The following DNAJC6 variants were observed in gnomAD, a reference collection of about 807,000 sequenced individuals.
DNAJC6 encodes auxilin.
In DNAJC6, 34 loss-of-function variants were observed where a neutral mutation model predicts 110.0. The observed-to-expected ratio is 0.31, with a 90% confidence interval of 0.24 to 0.41. The LOEUF is 0.41. DNAJC6 is among the 10% of genes least tolerant of loss of function. DNAJC6 has a pLI of 1.00. For synonymous variants in DNAJC6, 406 were observed against 437.2 expected (o/e 0.93, Z 0.89); for missense variants, 1,031 against 1,207.8 (o/e 0.85, Z 2.17).
intron 1 of DNAJC6, among the ~76,000 whole-genome samples, chr1:65,270,682 A>G (rs1285892953): frequency 6.6e-6 from 1 of 151,656 alleles, no homozygotes; most frequent in South Asian, 2.1e-4. Context: ...TTTTTGTTTT[A>G]CTATTATTAT....
chr1:65,340,829 T>C (rs1645382366), intron 1 of DNAJC6, among the ~76,000 whole-genome samples: 1 of 152,192 alleles, frequency 6.6e-6, no homozygotes, highest in South Asian at 2.1e-4. Context: ...TATTACACTT[T>C]CTATTTATCA....
At chr1:65,392,356 A>T in intron 11 of DNAJC6, 75 bp from the exon 12 acceptor site, 2 of 1,336,306 alleles carry the variant, frequency 1.5e-6, no homozygotes, top group Non-Finnish European at 2.0e-6. Context: ...CTGGAATTAT[A>T]TACATATATT....
intron 11 of DNAJC6, among the ~76,000 whole-genome samples, chr1:65,391,177 T>C (rs1225177001): frequency 1.3e-5 from 2 of 152,174 alleles, no homozygotes; most frequent in East Asian, 3.8e-4. Context: ...GTAGAACATA[T>C]AAACAATAGC....
rs1048262722 is a variant in DNAJC6, at chr1:65,414,889, G to A, written c.*1864G>A. ...ATGATAACAATTAAAAGGATATTCT[G>A]TGGATGTCACGTATTTTGAAATGAT... On this transcript the variant is annotated 3_prime_UTR_variant, in exon 19 of 19. Transcript: ENST00000371069. 6.6e-6 allele frequency: 1 copy of A among 152,592 alleles called. No individual in the cohort carries two copies. Among genetic ancestry groups the A allele is most frequent in the Admixed American group, 6.5e-5 (1 of 15,282 alleles). The allele number at this position is 152,592 out of a possible 1,614,324, so 9.5% of individuals were successfully genotyped here.
intron 17 of DNAJC6, among the ~76,000 whole-genome samples, chr1:65,409,994 G>A (rs746584429): frequency 7.2e-5 from 11 of 152,098 alleles, no homozygotes; most frequent in Admixed American, 3.3e-4. Context: ...AGGCGGATGC[G>A]GATTAGCTGG....
At chr1:65,342,829 T>A (rs1645401920) in intron 1 of DNAJC6, among the ~76,000 whole-genome samples, 1 of 152,176 alleles carries the variant, frequency 6.6e-6, no homozygotes, top group Non-Finnish European at 1.5e-5. Flanking sequence ...TCTTGATGGA[T>A]TCAATTCAGT....
intron 1 of DNAJC6, among the ~76,000 whole-genome samples, chr1:65,322,477 A>G (rs897048985): frequency 6.6e-6 from 1 of 152,198 alleles, no homozygotes. Flanking sequence ...ATAACTTTCT[A>G]TATTAGTACC....
chr1:65,377,419 C>G (rs901398096), intron 4 of DNAJC6, among the ~76,000 whole-genome samples: 2 of 152,138 alleles, frequency 1.3e-5, no homozygotes, highest in Non-Finnish European at 2.9e-5. Context: ...AAAGACTAGA[C>G]CAGAAACAGT....
At chr1:65,292,462 G>C (rs1429590212) in intron 1 of DNAJC6, among the ~76,000 whole-genome samples, 1 of 151,654 alleles carries the variant, frequency 6.6e-6, no homozygotes, top group Non-Finnish European at 1.5e-5. Context: ...ACAGGGTCTT[G>C]GTGTATTGCC....
intron 14 of DNAJC6, among the ~76,000 whole-genome samples, chr1:65,400,025 C>A (rs559882625): frequency 3.9e-4 from 59 of 152,130 alleles, no homozygotes; most frequent in Non-Finnish European, 6.5e-4. Flanking sequence ...TACAAAAATA[C>A]AAAAGTTAGC....
At chr1:65,376,755 ATTTATTTATTTAT>A (rs2101583312) in intron 4 of DNAJC6, among the ~76,000 whole-genome samples, 1 of 150,804 alleles carries the variant, frequency 6.6e-6, no homozygotes, top group South Asian at 2.1e-4. Flanking sequence ...TTTCTATTTT[ATTTATTTATTTAT>A]TTTATTTATT....
intron 1 of DNAJC6, among the ~76,000 whole-genome samples, chr1:65,311,336 T>A (rs946497933): frequency 6.8e-6 from 1 of 147,004 alleles, no homozygotes; most frequent in Non-Finnish European, 1.5e-5. Flanking sequence ...GCGATTCTCC[T>A]GCCTCAGCCT....
At chr1:65,385,509 T>C (rs1231970569) in intron 6 of DNAJC6, among the ~76,000 whole-genome samples, 2 of 152,262 alleles carry the variant, frequency 1.3e-5, no homozygotes, top group South Asian at 2.1e-4. Flanking sequence ...TATCAGTTCA[T>C]TGGGGAAGTA....
chr1:65,300,264 G>C (rs1363946455), intron 1 of DNAJC6, among the ~76,000 whole-genome samples: 1 of 152,028 alleles, frequency 6.6e-6, no homozygotes, highest in African/African-American at 2.4e-5. Context: ...CTATTTTACT[G>C]TTTCATTGTG....
intron 1 of DNAJC6, among the ~76,000 whole-genome samples, chr1:65,323,215 A>G (rs1207569762): frequency 1.3e-5 from 2 of 152,152 alleles, no homozygotes; most frequent in South Asian, 2.1e-4. Context: ...GCCTTTTAAT[A>G]TGATTTGGCT....
chr1:65,373,726 G>T (rs1201823170), intron 4 of DNAJC6, among the ~76,000 whole-genome samples: 2 of 151,702 alleles, frequency 1.3e-5, no homozygotes, highest in Admixed American at 1.3e-4. Flanking sequence ...CTGCCATTCA[G>T]TGGGTTGTCT....
At chr1:65,286,096 T>C (rs903791420) in intron 1 of DNAJC6, among the ~76,000 whole-genome samples, 13 of 152,314 alleles carry the variant, frequency 8.5e-5, no homozygotes, top group African/African-American at 3.1e-4. Flanking sequence ...CCCCAGCAAC[T>C]TGGAAGGTCA....
rs1463563885 is a variant in DNAJC6, at chr1:65,264,961, A to G, written c.-131+29A>G. The G allele has an allele frequency of 1.9e-6, 3 of 1,607,754 alleles. No individual in the cohort carries two copies. The East Asian group carries it at 6.7e-5, about 36-fold the overall frequency. On this transcript the variant is annotated intron_variant, in intron 1 of 19. Transcript: ENST00000263441. ...AGGGGCGGACTGCAGAAAGATGGCT[A>G]AGAGAGGGCTAAAGGCTAAAAGATG... is the stretch of plus-strand genomic sequence containing the variant.
At position 65,397,843 on chromosome 1, in the gene DNAJC6, TG is replaced by T. The variant is rs1456318431; in HGVS notation, c.2039-968del. On this transcript the variant is annotated intron_variant, in intron 13 of 18. Coordinates refer to ENST00000371069, the MANE Select transcript of DNAJC6 (RefSeq NM_001256864.2). ...AATGATGGGAAGGTACTAGATGACT[TG>T]GTTGGTACTAAGTAAACAAAACAAG... Among the ~76,000 whole-genome samples the T allele has an allele frequency of 2.0e-5, 3 of 152,304 alleles. No homozygotes were observed. In the East Asian group the frequency reaches 5.8e-4, roughly 29 times the overall value.
Sources: gnomAD v4.1 joint callset for allele counts (sites outside exome capture counted in the v4.1 genomes callset) on GRCh38, gnomAD v4.1.1 for gene constraint, MANE v1.5 for transcripts, NCBI Gene and HGNC (gene_info 2026-07-23, HGNC 2026-07-21) for gene names.